Variants in IGSF11 observed in about 807,000 individuals in gnomAD.
IGSF11 encodes the protein CXADR like 1.
A neutral mutation model predicts 41.0 loss-of-function variants in IGSF11; 22 were observed. The observed-to-expected ratio is 0.54, with a 90% CI of 0.38 to 0.77. IGSF11 has a LOEUF of 0.77. Ranked by LOEUF, IGSF11 falls within the 30% of genes least tolerant of loss-of-function variation. IGSF11 has a pLI of 0.00. For synonymous variants in IGSF11, 219 were observed against 201.3 expected (o/e 1.09, Z -0.74); for missense variants, 444 against 530.8 (o/e 0.84, Z 1.61).
intron 1 of IGSF11, among the ~76,000 whole-genome samples, chr3:118,986,687 T>C (rs772261556): frequency 1.4e-4 from 21 of 152,188 alleles, no homozygotes; most frequent in Non-Finnish European, 2.6e-4. Flanking sequence ...TTAGAGGGGA[T>C]AGTAAACCCT....
intron 1 of IGSF11, among the ~76,000 whole-genome samples, chr3:118,936,444 T>C (rs1943286231): frequency 1.3e-5 from 2 of 151,636 alleles, no homozygotes; most frequent in African/African-American, 4.9e-5. Context: ...GAGGTAGAAG[T>C]TGCAGTGAGC....
intron 4 of IGSF11, among the ~76,000 whole-genome samples, chr3:118,921,571 T>C (rs1449781342): frequency 6.6e-6 from 1 of 152,138 alleles, no homozygotes; most frequent in African/African-American, 2.4e-5. Flanking sequence ...ATTCATTCAG[T>C]CTTCATCCAA....
At chr3:119,100,031 C>T (rs1230028818) in intron 1 of IGSF11, among the ~76,000 whole-genome samples, 2 of 152,062 alleles carry the variant, frequency 1.3e-5, no homozygotes, top group African/African-American at 4.8e-5. Context: ...AACGGGATGA[C>T]ATGAGATTTC....
chr3:119,064,288 C>A (rs1942149297), intron 1 of IGSF11, among the ~76,000 whole-genome samples: 1 of 152,134 alleles, frequency 6.6e-6, no homozygotes, highest in South Asian at 2.1e-4. Context: ...AACTAAGCAT[C>A]ATTTGTTTAA....
chr3:119,095,948 ACTT>A (rs2076842327), intron 1 of IGSF11, among the ~76,000 whole-genome samples: 1 of 152,124 alleles, frequency 6.6e-6, no homozygotes, highest in Non-Finnish European at 1.5e-5. Context: ...CATCTTATAA[ACTT>A]CTTTATTTTT....
At chr3:119,040,435 A>G (rs1229771627) in intron 1 of IGSF11, among the ~76,000 whole-genome samples, 3 of 152,182 alleles carry the variant, frequency 2.0e-5, no homozygotes, top group Non-Finnish European at 2.9e-5. Context: ...CTCTGCGTGA[A>G]TTACTCTTTC....
intron 1 of IGSF11, among the ~76,000 whole-genome samples, chr3:119,092,613 A>G (rs1027477056): frequency 3.9e-5 from 6 of 152,106 alleles, no homozygotes; most frequent in African/African-American, 1.4e-4. Flanking sequence ...TACAGGAATG[A>G]GCTACTGTGC....
At chr3:119,008,073 G>T (rs192302952) in intron 1 of IGSF11, among the ~76,000 whole-genome samples, 2 of 124,316 alleles carry the variant, frequency 1.6e-5, no homozygotes, top group East Asian at 4.3e-4. Context: ...ACCTATGAGA[G>T]ATTATTTTTA....
intron 1 of IGSF11, among the ~76,000 whole-genome samples, chr3:118,995,912 C>T (rs751286642): frequency 6.6e-6 from 1 of 151,924 alleles, no homozygotes; most frequent in Non-Finnish European, 1.5e-5. Flanking sequence ...CCTCCCAAAG[C>T]GCTGGGATGA....
At chr3:119,111,152 G>C (rs1039314917) in intron 1 of IGSF11, among the ~76,000 whole-genome samples, 4 of 152,100 alleles carry the variant, frequency 2.6e-5, no homozygotes. Context: ...TGCTAGATTG[G>C]GGAAGTTCTC....
At position 118,926,259 on chromosome 3, in the gene IGSF11, ATAAC is replaced by A. The variant is rs1942283330; in HGVS notation, c.425-7_425-4del. 1.3e-6 allele frequency: 2 copies of A among 1,580,020 alleles called. No homozygotes were observed. Among genetic ancestry groups the A allele is most frequent in the Non-Finnish European group, 1.7e-6 (2 of 1,158,526 alleles). On this transcript the variant is annotated splice_polypyrimidine_tract_variant and splice_region_variant and intron_variant, in intron 3 of 6. Coordinates refer to ENST00000393775, the MANE Select transcript of IGSF11 (RefSeq NM_001015887.3). Reference sequence around the variant, plus strand: ...GCAGTGTGGGGCAGAAGGGGGAACTATAACAGGAAGAATAAGCAATAAAGTACAC... The same window carrying A: ...GCAGTGTGGGGCAGAAGGGGGAACTAAGGAAGAATAAGCAATAAAGTACAC...
intron 4 of IGSF11, among the ~76,000 whole-genome samples, chr3:118,906,322 T>C (rs948367961): frequency 3.9e-5 from 6 of 152,028 alleles, no homozygotes; most frequent in African/African-American, 1.4e-4. Flanking sequence ...GGTGTAGATC[T>C]CACCACTCAC....
At chr3:118,984,072 G>C (rs910418482) in intron 1 of IGSF11, among the ~76,000 whole-genome samples, 16 of 151,602 alleles carry the variant, frequency 1.1e-4, no homozygotes, top group Middle Eastern at 3.4e-3. Flanking sequence ...CCCCTACCCA[G>C]CTCTCCTTCC....
At chr3:119,124,126 A>G (rs1015260194) in intron 1 of IGSF11, among the ~76,000 whole-genome samples, 1 of 152,172 alleles carries the variant, frequency 6.6e-6, no homozygotes, top group Non-Finnish European at 1.5e-5. Flanking sequence ...CTTTGAAGGA[A>G]TTCAGAATTC....
intron 1 of IGSF11, among the ~76,000 whole-genome samples, chr3:118,954,183 T>C (rs557960074): frequency 1.2e-4 from 18 of 152,274 alleles, no homozygotes; most frequent in Admixed American, 7.9e-4. Flanking sequence ...ACTTTATCTT[T>C]TTCTTTGCTT....
intron 1 of IGSF11, among the ~76,000 whole-genome samples, chr3:118,992,617 A>T (rs1404391512): frequency 6.6e-6 from 1 of 152,214 alleles, no homozygotes; most frequent in Non-Finnish European, 1.5e-5. Flanking sequence ...GGTTTTATGA[A>T]TCTGATCCTG....
chr3:119,131,904 C>A (rs958896042), intron 1 of IGSF11, among the ~76,000 whole-genome samples: 1 of 152,188 alleles, frequency 6.6e-6, no homozygotes, highest in Non-Finnish European at 1.5e-5. Context: ...ATTCAACACT[C>A]TTGAAGAAAA....
rs1323044043 is a variant in IGSF11 at position 119,002,798 on chromosome 3, T to C, written c.52+31733A>G. 3.6e-3 allele frequency among the ~76,000 whole-genome samples: 315 copies of C among 87,720 alleles called. 9 individuals carry two copies. Among genetic ancestry groups the C allele is most frequent in the African/African-American group, 0.018 (297 of 16,602 alleles). The allele number at this position is 87,720 out of a possible 152,430, so 57.5% of individuals were successfully genotyped here. ...AGATAGTTGTAGGTATGCGGCATTA[T>C]TTCTGAGGGCTCTGTTCTGTTCCAT... On this transcript the variant is annotated intron_variant, in intron 1 of 6. Transcript: ENST00000393775.
chr3:119,028,395 G>C (rs1379320865), intron 1 of IGSF11, among the ~76,000 whole-genome samples: 1 of 152,106 alleles, frequency 6.6e-6, no homozygotes, highest in Non-Finnish European at 1.5e-5. Context: ...GTAATGTAGG[G>C]AAAAAGAGGG....
Sources: gnomAD v4.1 joint callset for allele counts (sites outside exome capture counted in the v4.1 genomes callset) on GRCh38, gnomAD v4.1.1 for gene constraint, MANE v1.5 for transcripts, NCBI Gene and HGNC (gene_info 2026-07-23, HGNC 2026-07-21) for gene names.